The following PDE4B variants were observed in gnomAD, a reference collection of about 807,000 sequenced individuals.
The protein encoded by PDE4B is phosphodiesterase 4B.
In PDE4B, 20 loss-of-function variants were observed where a neutral mutation model predicts 82.2. The ratio of observed to expected loss-of-function variants is 0.24; its 90% CI spans 0.17 to 0.35. PDE4B has a LOEUF of 0.35. Among genes scored for constraint, PDE4B ranks in the 10% least tolerant of loss-of-function variants. The probability of loss-of-function intolerance (pLI) is 1.00; values close to 1 mark genes in which losing one functional copy is unlikely to be tolerated. For synonymous variants in PDE4B, 320 were observed against 318.9 expected (o/e 1.00, Z -0.04); for missense variants, 655 against 907.2 (o/e 0.72, Z 3.57).
chr1:65,991,789 A>G (rs550601179), intron 3 of PDE4B, among the ~76,000 whole-genome samples: 5 of 152,330 alleles, frequency 3.3e-5, no homozygotes, highest in African/African-American at 1.2e-4. Flanking sequence ...TCAAATGTAT[A>G]TGCCCACACA....
intron 3 of PDE4B, among the ~76,000 whole-genome samples, chr1:66,023,169 T>G (rs1653238676): frequency 6.6e-6 from 1 of 152,158 alleles, no homozygotes; most frequent in Non-Finnish European, 1.5e-5. Flanking sequence ...TTAGGCATAC[T>G]TTATAAGCTC....
At chr1:66,055,961 TA>T (rs1376553592) in intron 3 of PDE4B, among the ~76,000 whole-genome samples, 3 of 152,216 alleles carry the variant, frequency 2.0e-5, no homozygotes, top group African/African-American at 7.2e-5. Flanking sequence ...CCACTTTTGG[TA>T]AATACCAATA....
chr1:65,927,757 G>GT (rs1390176156), intron 3 of PDE4B, among the ~76,000 whole-genome samples: 1 of 151,990 alleles, frequency 6.6e-6, no homozygotes, highest in Non-Finnish European at 1.5e-5. Flanking sequence ...ATTTTTCTAG[G>GT]TAGAGGCAGC....
At chr1:66,007,651 C>G (rs150936621) in intron 3 of PDE4B, among the ~76,000 whole-genome samples, 1 of 152,188 alleles carries the variant, frequency 6.6e-6, no homozygotes, top group African/African-American at 2.4e-5. Flanking sequence ...GTGAGCTATA[C>G]TTGAGAATCT....
At chr1:66,300,038 G>A (rs946625752) in intron 7 of PDE4B, among the ~76,000 whole-genome samples, 8 of 152,092 alleles carry the variant, frequency 5.3e-5, no homozygotes, top group African/African-American at 1.9e-4. Flanking sequence ...TGGCACTATT[G>A]CACAAACACA....
intron 3 of PDE4B, among the ~76,000 whole-genome samples, chr1:66,107,721 A>T (rs970854823): frequency 1.3e-5 from 2 of 151,956 alleles, no homozygotes; most frequent in African/African-American, 2.4e-5. Flanking sequence ...TTCATGAGAT[A>T]GATAAAGTAA....
chr1:66,044,314 A>T (rs1290707151), intron 3 of PDE4B, among the ~76,000 whole-genome samples: 3 of 151,752 alleles, frequency 2.0e-5, no homozygotes. Flanking sequence ...TAAAATATTG[A>T]TAGTTTCATA....
intron 9 of PDE4B, among the ~76,000 whole-genome samples, chr1:66,356,478 T>G (rs938538757): frequency 6.6e-6 from 1 of 152,236 alleles, no homozygotes; most frequent in Admixed American, 6.5e-5. Flanking sequence ...ATTCTGATTT[T>G]GTTGACTTTA....
chr1:65,879,846 G>C (rs1277591349), intron 1 of PDE4B, among the ~76,000 whole-genome samples: 1 of 152,146 alleles, frequency 6.6e-6, no homozygotes, highest in African/African-American at 2.4e-5. Flanking sequence ...TCTGAAGATT[G>C]GTTGTATCCA....
chr1:66,039,875 T>C (rs900114095), intron 3 of PDE4B, among the ~76,000 whole-genome samples: 1 of 151,780 alleles, frequency 6.6e-6, no homozygotes, highest in Admixed American at 6.6e-5. Context: ...TAGTTGTATA[T>C]AGGCATAAAT....
chr1:65,885,062 A>G (rs1252269626), intron 1 of PDE4B, among the ~76,000 whole-genome samples: 4 of 152,252 alleles, frequency 2.6e-5, no homozygotes, highest in African/African-American at 9.6e-5. Context: ...AGATGAACAG[A>G]CACTTCTCAA....
chr1:65,955,413 G>A (rs1649204620), intron 3 of PDE4B, among the ~76,000 whole-genome samples: 1 of 152,094 alleles, frequency 6.6e-6, no homozygotes, highest in Non-Finnish European at 1.5e-5. Flanking sequence ...CCATAGAAAT[G>A]TGTCTTTCTC....
intron 8 of PDE4B, among the ~76,000 whole-genome samples, chr1:66,337,129 A>G (rs1251899222): frequency 6.6e-6 from 1 of 152,256 alleles, no homozygotes; most frequent in Non-Finnish European, 1.5e-5. Flanking sequence ...ACAGGCGCTC[A>G]GTCCTTGAAA....
chr1:66,053,548 CACACAG>C (rs1322516649), intron 3 of PDE4B, among the ~76,000 whole-genome samples: 4 of 152,086 alleles, frequency 2.6e-5, no homozygotes, highest in Non-Finnish European at 5.9e-5. Context: ...TGGCCAAGGT[CACACAG>C]TGGGTGAATG....
chr1:66,267,460 ATTAT>A (rs959256859), intron 7 of PDE4B: 6 of 152,220 alleles, frequency 3.9e-5, no homozygotes, highest in African/African-American at 1.4e-4. Context: ...CATCAATTTG[ATTAT>A]TTAGACTATG....
intron 3 of PDE4B, among the ~76,000 whole-genome samples, chr1:66,171,643 A>G (rs141603254): frequency 1.6e-3 from 237 of 152,258 alleles, no homozygotes; most frequent in African/African-American, 5.4e-3. Context: ...AACCAGATCA[A>G]TACTGTTGAA....
At chr1:65,835,304 A>G (rs1442886337) in intron 1 of PDE4B, among the ~76,000 whole-genome samples, 1 of 152,120 alleles carries the variant, frequency 6.6e-6, no homozygotes, top group African/African-American at 2.4e-5. Flanking sequence ...CTCCAAAGAG[A>G]GCTTCCCAAA....
chr1:65,874,226 G>A (rs1024158300), intron 1 of PDE4B, among the ~76,000 whole-genome samples: 17 of 151,464 alleles, frequency 1.1e-4, no homozygotes, highest in African/African-American at 1.9e-4. Flanking sequence ...TTTGTCTGTT[G>A]TTGGTGTATA....
intron 3 of PDE4B, among the ~76,000 whole-genome samples, chr1:66,181,466 A>G (rs1647061644): frequency 6.6e-6 from 1 of 152,190 alleles, no homozygotes; most frequent in East Asian, 1.9e-4. Context: ...AGAGGAATAC[A>G]TATCATATAT....
Sources: allele counts gnomAD v4.1 joint callset (sites outside exome capture counted in the v4.1 genomes callset), GRCh38; gene constraint gnomAD v4.1.1; transcripts MANE v1.5; gene names NCBI Gene and HGNC (gene_info 2026-07-23, HGNC 2026-07-21).